Variants in ZNF567 observed in about 807,000 individuals in gnomAD.
ZNF567 encodes zinc finger protein 567.
In ZNF567, 36 loss-of-function variants were observed where a neutral mutation model predicts 53.9. The ratio of observed to expected loss-of-function variants is 0.67; its 90% CI spans 0.51 to 0.88. ZNF567 has a LOEUF of 0.88. Ranked by LOEUF, ZNF567 falls within the 40% of genes least tolerant of loss-of-function variation. The pLI, the probability that ZNF567 is intolerant of heterozygous loss-of-function variation, is 0.00. For synonymous variants in ZNF567, 224 were observed against 260.4 expected, an observed-to-expected ratio of 0.86 and a Z score of 1.35; for missense variants, 619 against 764.7, an observed-to-expected ratio of 0.81 and a Z score of 2.25.
chr19:36,701,377 T>C (rs1177549887), intron 3 of ZNF567, among the ~76,000 whole-genome samples: 2 of 151,232 alleles, frequency 1.3e-5, no homozygotes, highest in African/African-American at 4.9e-5. Context: ...TGTGGTGTGG[T>C]GCTGAAAAAA....
intron 3 of ZNF567, among the ~76,000 whole-genome samples, chr19:36,700,451 G>C (rs943392752): frequency 3.3e-5 from 5 of 150,986 alleles, no homozygotes; most frequent in East Asian, 2.0e-4. Flanking sequence ...ATGAGTTAGG[G>C]AGGATTCCCT....
intron 5 of ZNF567, among the ~76,000 whole-genome samples, chr19:36,718,414 G>A (rs1042962694): frequency 1.3e-4 from 20 of 152,018 alleles, no homozygotes; most frequent in South Asian, 2.1e-4. Flanking sequence ...CAGGAGAATC[G>A]CTTGAACCCA....
intron 5 of ZNF567, among the ~76,000 whole-genome samples, chr19:36,718,500 A>G (rs1014041272): frequency 2.0e-5 from 3 of 151,884 alleles, no homozygotes; most frequent in Non-Finnish European, 2.9e-5. Flanking sequence ...CTTTGTCTCA[A>G]AAAAAAATAA....
chr19:36,696,397 G>A (rs552362427), intron 3 of ZNF567, among the ~76,000 whole-genome samples: 6 of 152,188 alleles, frequency 3.9e-5, no homozygotes, highest in African/African-American at 1.2e-4. Flanking sequence ...CTTTTTTGAT[G>A]TATTGTCGAA....
downstream of ZNF567, among the ~76,000 whole-genome samples, chr19:36,721,730 GTCTTTTTTTTTT>G (rs1449047057): frequency 3.1e-5 from 4 of 131,070 alleles, no homozygotes; most frequent in African/African-American, 1.2e-4. Flanking sequence ...GAGTACCAGA[GTCTTTTTTTTTT>G]TCTTTTTTTT....
intron 5 of ZNF567, chr19:36,714,277 T>A: frequency 3.2e-6 from 1 of 312,168 alleles, no homozygotes; most frequent in East Asian, 5.0e-5. Context: ...TTCTCCTGCC[T>A]CAGCCTCCTA....
At chr19:36,691,860 C>G (rs1356296082) in intron 2 of ZNF567, among the ~76,000 whole-genome samples, 2 of 152,184 alleles carry the variant, frequency 1.3e-5, no homozygotes, top group Non-Finnish European at 2.9e-5. Context: ...GTTGCCCAGG[C>G]TGGTCTCGAA....
chr19:36,671,714 C>A, the ZNF567 span, among the ~76,000 whole-genome samples: 2 of 152,182 alleles, frequency 1.3e-5, no homozygotes, highest in African/African-American at 4.8e-5. Flanking sequence ...AACGACTCTT[C>A]AGAGGCAGCT....
intron 3 of ZNF567, among the ~76,000 whole-genome samples, chr19:36,707,479 C>G (rs1254403427): frequency 2.0e-5 from 3 of 152,166 alleles, no homozygotes; most frequent in Non-Finnish European, 4.4e-5. Context: ...TTTTTCTTCT[C>G]TAGAACTTTT....
the ZNF567 span, among the ~76,000 whole-genome samples, chr19:36,671,953 G>A: frequency 2.6e-5 from 4 of 152,186 alleles, no homozygotes; most frequent in South Asian, 2.1e-4. Context: ...AAAGCCCATC[G>A]TCCCCCCTCT....
intron 3 of ZNF567, among the ~76,000 whole-genome samples, chr19:36,707,057 T>C (rs1335081517): frequency 1.3e-5 from 2 of 152,208 alleles, no homozygotes; most frequent in Non-Finnish European, 2.9e-5. Flanking sequence ...CTGATACTCT[T>C]ATCTTTTAAT....
chr19:36,685,643 C>T (rs1483196424), upstream of ZNF567: 4 of 152,154 alleles, frequency 2.6e-5, no homozygotes, highest in Admixed American at 2.6e-4. Context: ...TTTCAAGATA[C>T]TGTATCAGAG....
rs779395014 is a variant in ZNF567, at chr19:36,719,610, C to T, written c.886C>T (p.Leu296Phe). The T allele has an allele frequency of 9.3e-6, 15 of 1,614,040 alleles. No individual in the cohort carries two copies. Among genetic ancestry groups the T allele is most frequent in the Non-Finnish European group, 1.3e-5 (15 of 1,180,018 alleles). ...CGNAFRRKSYLIDHQRTHTGE... is the reference protein window; with the variant it reads ...CGNAFRRKSYFIDHQRTHTGE... The stretch of plus-strand genomic sequence containing the variant: ...AAATGCATTTAGAAGGAAATCATAT[C>T]TCATTGATCATCAGAGAACTCACAC... The change falls in exon 6 of 6, where the codon CTC becomes TTC. Residue 296 changes from leucine to phenylalanine, a missense_variant. Leu to Phe is a conservative substitution (Grantham distance 22). Transcript: ENST00000682579.
At chr19:36,704,337 C>T (rs2039380526) in intron 3 of ZNF567, among the ~76,000 whole-genome samples, 1 of 152,130 alleles carries the variant, frequency 6.6e-6, no homozygotes, top group Admixed American at 6.5e-5. Context: ...AGGAGAATCG[C>T]TTGAACCCAG....
the ZNF567 span, among the ~76,000 whole-genome samples, chr19:36,667,237 G>A: frequency 6.6e-6 from 1 of 152,014 alleles, no homozygotes; most frequent in Non-Finnish European, 1.5e-5. Context: ...TATGTGAAAC[G>A]ATTTAAAAAA....
Position 36,719,842 on chromosome 19 carries a change from C to T in ZNF567, c.1118C>T (p.Ser373Phe). The T allele has an allele frequency of 6.2e-7, 1 of 1,614,116 alleles. No homozygotes were observed. The highest frequency in any genetic ancestry group is 1.1e-5 in the South Asian group (1 of 91,078). ...TATGAGTGTAATGACTGTGGGAAGTCCTTCCGCCAGAAGACAACACTCTCT... is the reference window on the plus strand; with the variant it reads ...TATGAGTGTAATGACTGTGGGAAGTTCTTCCGCCAGAAGACAACACTCTCT... ...KPYECNDCGK[S>F]FRQKTTLSLH... Residue 373 changes from serine to phenylalanine, a missense_variant, in exon 6 of 6, where the codon TCC becomes TTC. Coordinates refer to ENST00000682579, the MANE Select transcript of ZNF567 (RefSeq NM_001322917.1).
At chr19:36,672,452 T>C in the ZNF567 span, among the ~76,000 whole-genome samples, 1 of 152,192 alleles carries the variant, frequency 6.6e-6, no homozygotes, top group East Asian at 1.9e-4. Flanking sequence ...ACCCATTCTG[T>C]GGATATCAGT....
rs545852168 is a variant in ZNF567 at position 36,697,824 on chromosome 19, C to G, written c.9+2948C>G. On this transcript the variant is annotated intron_variant, in intron 3 of 5. Transcript: ENST00000682579. ...ACAGCATTTCACCATATTGGCGAGG[C>G]TGGTCTTGAACTCTGGCCTCAAGTG... 9.9e-5 allele frequency among the ~76,000 whole-genome samples: 15 copies of G among 151,758 alleles called. No individual in the cohort carries two copies. In the East Asian group the frequency reaches 2.7e-3, roughly 28 times the overall value.
intron 5 of ZNF567, 45 bp from the exon 6 acceptor site, chr19:36,718,903 A>G: frequency 6.8e-7 from 1 of 1,460,070 alleles, no homozygotes; most frequent in Non-Finnish European, 9.2e-7. Context: ...TGCATAGGAA[A>G]TGTGTGAAGA....
Sources: gnomAD v4.1 joint callset for allele counts (sites outside exome capture counted in the v4.1 genomes callset) on GRCh38, gnomAD v4.1.1 for gene constraint, MANE v1.5 for transcripts, NCBI Gene and HGNC (gene_info 2026-07-23, HGNC 2026-07-21) for gene names.